Variants in MSI1 observed in about 807,000 individuals in gnomAD.
The protein encoded by MSI1 is musashi RNA binding protein 1.
In MSI1, 15 loss-of-function variants were observed where a neutral mutation model predicts 54.4. The observed-to-expected ratio is 0.28, with a 90% CI of 0.18 to 0.42. The LOEUF is 0.42. Among genes scored for constraint, MSI1 ranks in the 20% least tolerant of loss-of-function variants. The probability of loss-of-function intolerance (pLI) is 1.00; values close to 1 mark genes in which losing one functional copy is unlikely to be tolerated. For missense variants in MSI1, 304 were observed against 506.0 expected (o/e 0.60, Z 3.83); for synonymous variants, 200 against 196.5 (o/e 1.02, Z -0.15).
intron 4 of MSI1, 85 bp downstream of exon 4, chr12:120,367,923 A>G: frequency 7.4e-7 from 1 of 1,355,974 alleles, no homozygotes. Flanking sequence ...GACCCCGTCC[A>G]GCTGTCCCCT....
intron 11 of MSI1, among the ~76,000 whole-genome samples, chr12:120,348,442 A>G (rs1874319032): frequency 6.6e-6 from 1 of 152,162 alleles, no homozygotes; most frequent in Non-Finnish European, 1.5e-5. Context: ...ACCTCCTCTA[A>G]GAAGCTTTCC....
At chr12:120,356,881 C>T in intron 9 of MSI1, 21 bp downstream of exon 9, 1 of 1,607,138 alleles carries the variant, frequency 6.2e-7, no homozygotes, top group South Asian at 1.1e-5. Context: ...AAAGAAGCCG[C>T]AGGCGCAGGC....
chr12:120,367,198 G>A (rs1876069267), intron 4 of MSI1, among the ~76,000 whole-genome samples: 1 of 151,962 alleles, frequency 6.6e-6, no homozygotes, highest in African/African-American at 2.4e-5. Flanking sequence ...CAAGGCTGGG[G>A]GACAGCAGGG....
intron 6 of MSI1, among the ~76,000 whole-genome samples, chr12:120,360,229 C>G (rs1875519131): frequency 6.6e-6 from 1 of 152,210 alleles, no homozygotes; most frequent in African/African-American, 2.4e-5. Context: ...AAGTGATCCA[C>G]CCGCCTCAGC....
At chr12:120,360,839 GA>G (rs1875573454) in intron 6 of MSI1, among the ~76,000 whole-genome samples, 2 of 144,062 alleles carry the variant, frequency 1.4e-5, no homozygotes, top group Non-Finnish European at 3.0e-5. Context: ...TTTTTTTTTG[GA>G]AAAGGGTTCT....
rs1873776283 is a variant in MSI1, at chr12:120,342,718, GGGCTGC to G, written c.*403_*408del. 6.6e-6 allele frequency: 1 copy of G among 151,298 alleles called. No homozygotes were observed. The highest frequency in any genetic ancestry group is 1.5e-5 in the Non-Finnish European group (1 of 67,832). 9.4% of individuals were successfully genotyped at this position (151,298 alleles called of 1,614,324 possible). A position where few individuals can be genotyped will look rare whatever the true frequency, so the allele number is the denominator to read the frequency against. ...GAAATCTGAATAAAAAACAGGGGTT[GGGCTGC>G]GGCCTGTAGCAGGCTCCCTCCGCCT... On this transcript the variant is annotated 3_prime_UTR_variant, in exon 15 of 15. Coordinates refer to ENST00000257552, the MANE Select transcript of MSI1 (RefSeq NM_002442.4).
chr12:120,364,401 G>A (rs781054207), intron 5 of MSI1, among the ~76,000 whole-genome samples: 7 of 152,080 alleles, frequency 4.6e-5, no homozygotes, highest in Non-Finnish European at 1.0e-4. Flanking sequence ...GGTCTATGAT[G>A]TTGGAATTAG....
intron 10 of MSI1, among the ~76,000 whole-genome samples, chr12:120,351,810 G>A (rs181848776): frequency 2.7e-5 from 4 of 149,036 alleles, no homozygotes; most frequent in African/African-American, 5.0e-5. Flanking sequence ...CCGGGTTCAC[G>A]CCATTCTCCT....
chr12:120,344,696 C>A lies in MSI1; in HGVS notation c.*21+874G>T, dbSNP rs1320011674. 2.4e-4 allele frequency among the ~76,000 whole-genome samples: 31 copies of A among 130,786 alleles called. No individual in the cohort carries two copies. In the Admixed American group the frequency reaches 2.4e-3, roughly 10 times the overall value. The allele number at this position is 130,786 out of a possible 152,430, so 85.8% of individuals were successfully genotyped here. A position where few individuals can be genotyped will look rare whatever the true frequency, so the allele number is the denominator to read the frequency against. ...CACTCCAGCCTGGGTGGCAGTGAGA[C>A]CACATCTCTATTAAAAATAATAATA... is the stretch of plus-strand genomic sequence containing the variant. On this transcript the variant is annotated intron_variant, in intron 14 of 14. Coordinates refer to ENST00000257552, the MANE Select transcript of MSI1 (RefSeq NM_002442.4).
intron 10 of MSI1, 124 bp from the exon 11 acceptor site, chr12:120,351,524 G>A: frequency 1.3e-6 from 1 of 786,258 alleles, no homozygotes; most frequent in Non-Finnish European, 2.0e-6. Context: ...GGACCCAAGA[G>A]CTGGGGAGGG....
chr12:120,360,161 T>G (rs956157034), intron 6 of MSI1, among the ~76,000 whole-genome samples: 4 of 152,058 alleles, frequency 2.6e-5, no homozygotes, highest in Admixed American at 2.0e-4. Context: ...AATTTTTGTA[T>G]TTTAGTAGAG....
intron 11 of MSI1, among the ~76,000 whole-genome samples, chr12:120,349,888 A>T (rs930729790): frequency 6.6e-6 from 1 of 152,230 alleles, no homozygotes; most frequent in African/African-American, 2.4e-5. Context: ...CAACCCCAGC[A>T]TGTGCTTACC....
At chr12:120,353,900 C>T (rs1485044722) in intron 9 of MSI1, among the ~76,000 whole-genome samples, 1 of 152,210 alleles carries the variant, frequency 6.6e-6, no homozygotes, top group Non-Finnish European at 1.5e-5. Flanking sequence ...TGTCCTCCTT[C>T]CCATCAGCTA....
In MSI1 at chr12:120,348,252, T is replaced by C. The variant is rs1029524186; in HGVS notation, c.791-738A>G. On this transcript the variant is annotated intron_variant, in intron 11 of 14. Coordinates refer to ENST00000257552, the MANE Select transcript of MSI1 (RefSeq NM_002442.4). ...CGCCACCTCTGCAGCACCTAGCACC[T>C]TGCCTTGTACACGGCAGGTGCTTAA... Among the ~76,000 whole-genome samples the C allele has an allele frequency of 5.3e-5, 8 of 152,206 alleles. No homozygotes were observed. In the South Asian group the frequency reaches 1.7e-3, roughly 32 times the overall value.
intron 9 of MSI1, 56 bp downstream of exon 9, chr12:120,356,846 C>A: frequency 1.3e-6 from 2 of 1,512,752 alleles, no homozygotes; most frequent in Non-Finnish European, 1.8e-6. Context: ...ACAGCCCCTG[C>A]TAGTCCTGGG....
chr12:120,368,789 C>T lies in MSI1; in HGVS notation c.100+44G>A. 7.2e-7 allele frequency: 1 copy of T among 1,392,334 alleles called. No individual in the cohort carries two copies. Among genetic ancestry groups the T allele is most frequent in the Non-Finnish European group, 9.5e-7 (1 of 1,056,968 alleles). 86.2% of individuals were successfully genotyped at this position (1,392,334 alleles called of 1,614,324 possible). On this transcript the variant is annotated intron_variant, in intron 2 of 14. Coordinates refer to ENST00000257552, the MANE Select transcript of MSI1 (RefSeq NM_002442.4). The surrounding 1 kb of genome is among the most constrained non-coding windows in gnomAD (Gnocchi z 6.6). Reference sequence around the variant, plus strand: ...TCCGGGTCCGGGGCGCCGGGGGGTCCGGGGTGCCCTGCCGGACCGGCGGGC... The same window carrying T: ...TCCGGGTCCGGGGCGCCGGGGGGTCTGGGGTGCCCTGCCGGACCGGCGGGC...
intron 10 of MSI1, 111 bp from the exon 11 acceptor site, chr12:120,351,511 A>C: frequency 3.2e-6 from 3 of 931,676 alleles, no homozygotes; most frequent in South Asian, 1.6e-5. Flanking sequence ...CAGGCCATGC[A>C]CAGGACCCAA....
At position 120,357,810 on chromosome 12, in the gene MSI1, A is replaced by G. The variant is rs747382294; in HGVS notation, c.534+6T>C. On this transcript the variant is annotated splice_donor_region_variant and intron_variant, in intron 8 of 14. Transcript: ENST00000257552. ...GCGTGAGCCACTGCGCCCGGACCCA[A>G]CTCACCATTTTGTTGTTGATTTCAT... The G allele has an allele frequency of 1.6e-5, 26 of 1,613,784 alleles. No homozygotes were observed. Among genetic ancestry groups the G allele is most frequent in the South Asian group, 1.4e-4 (13 of 91,076 alleles).
In MSI1 at chr12:120,341,416, G is replaced by A. The variant is rs988250674; in HGVS notation, c.*1711C>T. The A allele has an allele frequency of 6.6e-6, 1 of 152,184 alleles. No homozygotes were observed. The highest frequency in any genetic ancestry group is 1.5e-5 in the Non-Finnish European group (1 of 67,974). 9.4% of individuals were successfully genotyped at this position (152,184 alleles called of 1,614,324 possible). On this transcript the variant is annotated 3_prime_UTR_variant, in exon 15 of 15. Transcript: ENST00000257552. ...ACAGATGTGGAGAGAAGAGACACCG[G>A]AGGATGGTAACTTGCTGGCTTCGAA...
Sources: allele counts gnomAD v4.1 joint callset (sites outside exome capture counted in the v4.1 genomes callset), GRCh38; gene constraint gnomAD v4.1.1; non-coding constraint Gnocchi (gnomAD v3.1); transcripts MANE v1.5; gene names NCBI Gene and HGNC (gene_info 2026-07-23, HGNC 2026-07-21).